ANKRD11: variants seen among roughly 807,000 people sequenced by gnomAD.
ANKRD11 encodes ankyrin repeat domain 11, also known as ankyrin repeat domain-containing protein 11.
A neutral mutation model predicts 195.7 loss-of-function variants in ANKRD11; 17 were observed. The observed-to-expected ratio is 0.09, with a 90% CI of 0.06 to 0.13. The LOEUF (loss-of-function observed/expected upper bound fraction) is 0.13. Ranked by LOEUF, ANKRD11 falls within the 10% of genes least tolerant of loss-of-function variation. ANKRD11 has a pLI of 1.00. For missense variants in ANKRD11, 3,735 were observed against 3,566.1 expected (o/e 1.05, Z -1.21); for synonymous variants, 1,953 against 1,528.1 (o/e 1.28, Z -6.49).
rs146873539 is a variant in ANKRD11 at position 89,369,675 on chromosome 16, G to A, written c.-60+48609C>T. ...CTTGTGGTGACGCAAGGGTTTTAAG[G>A]TCCCGACTGTGGGACACAGGCATCT... On this transcript the variant is annotated intron_variant, in intron 2 of 12. Transcript: ENST00000301030. 2.2e-4 allele frequency among the ~76,000 whole-genome samples: 33 copies of A among 152,294 alleles called. No homozygotes were observed. The East Asian group carries it at 6.4e-3, about 29-fold the overall frequency.
At chr16:89,313,862 C>A (rs535977856) in intron 3 of ANKRD11, among the ~76,000 whole-genome samples, 2 of 152,332 alleles carry the variant, frequency 1.3e-5, no homozygotes, top group South Asian at 4.1e-4. Flanking sequence ...CTCCCTACTC[C>A]CTGTAATGCG....
At chr16:89,378,535 T>G (rs1301569288) in intron 2 of ANKRD11, among the ~76,000 whole-genome samples, 1 of 152,208 alleles carries the variant, frequency 6.6e-6, no homozygotes, top group Non-Finnish European at 1.5e-5. Context: ...AAGCTAAATG[T>G]ACGTGCTATA....
At chr16:89,348,055 T>A (rs1227476801) in intron 2 of ANKRD11, among the ~76,000 whole-genome samples, 1 of 151,938 alleles carries the variant, frequency 6.6e-6, no homozygotes, top group Non-Finnish European at 1.5e-5. Context: ...CACCTCAGCC[T>A]CCAGGGTAAC....
At chr16:89,446,179 G>A (rs775930328) in intron 1 of ANKRD11, among the ~76,000 whole-genome samples, 2 of 152,022 alleles carry the variant, frequency 1.3e-5, no homozygotes, top group Non-Finnish European at 2.9e-5. Flanking sequence ...TCCTTGATCA[G>A]TCCCTAATTG....
chr16:89,308,032 A>G (rs59858477), intron 3 of ANKRD11, among the ~76,000 whole-genome samples: 1,838 of 151,736 alleles, frequency 0.012, 33 homozygotes, highest in African/African-American at 0.042. Context: ...CAACATGTGA[A>G]GAGGCCACCA....
intron 2 of ANKRD11, among the ~76,000 whole-genome samples, chr16:89,340,733 G>A (rs2038618043): frequency 6.6e-6 from 1 of 152,310 alleles, no homozygotes; most frequent in East Asian, 1.9e-4. Context: ...GCTAACAGGA[G>A]GCTGTTCATT....
chr16:89,440,847 G>A (rs1399953517), intron 1 of ANKRD11, among the ~76,000 whole-genome samples: 5 of 152,242 alleles, frequency 3.3e-5, no homozygotes, highest in African/African-American at 1.2e-4. Context: ...ATCTGTGGCT[G>A]TGTGGCAATG....
chr16:89,348,655 C>A (rs1046650421), intron 2 of ANKRD11, among the ~76,000 whole-genome samples: 4 of 152,196 alleles, frequency 2.6e-5, no homozygotes, highest in African/African-American at 9.7e-5. Context: ...CTATCTATTT[C>A]TTCTTCAGTA....
intron 1 of ANKRD11, among the ~76,000 whole-genome samples, chr16:89,445,400 G>C (rs140756023): frequency 1.2e-4 from 19 of 152,172 alleles, no homozygotes; most frequent in Non-Finnish European, 2.5e-4. Context: ...TCCTTGGGGC[G>C]TAAGATGCTA....
intron 2 of ANKRD11, among the ~76,000 whole-genome samples, chr16:89,350,074 C>G (rs761950004): frequency 3.9e-5 from 6 of 152,088 alleles, no homozygotes; most frequent in Non-Finnish European, 8.8e-5. Flanking sequence ...CCCTTCCCCC[C>G]ACCAAAAAAG....
intron 2 of ANKRD11, among the ~76,000 whole-genome samples, chr16:89,394,009 AC>A (rs1265083362): frequency 6.6e-6 from 1 of 152,128 alleles, no homozygotes; most frequent in African/African-American, 2.4e-5. Context: ...GGGTTCCCAG[AC>A]CCCAGTGTTT....
At chr16:89,278,508 G>A (rs1440265310) in intron 9 of ANKRD11, 2 of 456,288 alleles carry the variant, frequency 4.4e-6, no homozygotes, top group East Asian at 6.9e-5. Context: ...TAGGGATGAT[G>A]CCTGGGGAAC....
At chr16:89,363,550 T>A (rs2039822802) in intron 2 of ANKRD11, among the ~76,000 whole-genome samples, 1 of 152,198 alleles carries the variant, frequency 6.6e-6, no homozygotes, top group Non-Finnish European at 1.5e-5. Flanking sequence ...CCTTACATAG[T>A]TCACAATTCT....
intron 2 of ANKRD11, among the ~76,000 whole-genome samples, chr16:89,381,409 C>G (rs1044452521): frequency 2.7e-5 from 4 of 148,898 alleles, no homozygotes; most frequent in African/African-American, 1.0e-4. Flanking sequence ...CACCAAGAAA[C>G]TCCCAGACAC....
intron 1 of ANKRD11, among the ~76,000 whole-genome samples, chr16:89,463,145 G>A (rs1048958230): frequency 1.3e-5 from 2 of 152,102 alleles, no homozygotes; most frequent in African/African-American, 4.8e-5. Flanking sequence ...GAGCCCCTCT[G>A]CCCGGCCACC....
intron 11 of ANKRD11, among the ~76,000 whole-genome samples, chr16:89,273,612 G>A (rs963927621): frequency 8.6e-5 from 13 of 151,870 alleles, no homozygotes; most frequent in Non-Finnish European, 1.5e-4. Context: ...CAGGAGAATC[G>A]CTTGAACCCG....
chr16:89,488,243 G>GA (rs1187632808), intron 1 of ANKRD11, among the ~76,000 whole-genome samples: 9 of 152,166 alleles, frequency 5.9e-5, no homozygotes, highest in Admixed American at 5.2e-4. Context: ...GAAGAACAGA[G>GA]AAAACGTCAC....
In ANKRD11 at chr16:89,291,085, A is replaced by G; in HGVS notation, c.325T>C (p.Tyr109His). 6.2e-7 allele frequency: 1 copy of G among 1,613,706 alleles called. No homozygotes were observed. Among genetic ancestry groups the G allele is most frequent in the Non-Finnish European group, 8.5e-7 (1 of 1,179,914 alleles). Residue 109 changes from tyrosine to histidine, a missense_variant, in exon 5 of 13, where the codon TAC becomes CAC. Transcript: ENST00000301030. This position sits in a 1 kb window ranked among gnomAD's most constrained non-coding sequence, Gnocchi z 5.3. Reference protein sequence around the residue: ...GMGLSGIRAGYPLSERQQVAL... With the variant: ...GMGLSGIRAGHPLSERQQVAL... ...ACCTGCTGGCGCTCGGAGAGGGGGT[A>G]GCCGGCTCGGATTCCAGACAGCCCC...
At chr16:89,289,970 C>A (rs1241128288) in intron 6 of ANKRD11, among the ~76,000 whole-genome samples, 1 of 152,226 alleles carries the variant, frequency 6.6e-6, no homozygotes, top group African/African-American at 2.4e-5. Context: ...TTCAAAGCTT[C>A]AGTGAGTCGT....
Sources: gnomAD v4.1 joint callset for allele counts (sites outside exome capture counted in the v4.1 genomes callset) on GRCh38, gnomAD v4.1.1 for gene constraint, Gnocchi (gnomAD v3.1) non-coding constraint, MANE v1.5 for transcripts, NCBI Gene and HGNC (gene_info 2026-07-23, HGNC 2026-07-21) for gene names.